TNK2: variants seen among roughly 807,000 people sequenced by gnomAD.
The protein encoded by TNK2 is tyrosine kinase non receptor 2, also known as activated CDC42 kinase 1.
Under a neutral mutation model 101.8 loss-of-function variants are expected in TNK2, and 83 were observed. The ratio of observed to expected loss-of-function variants is 0.82; its 90% CI spans 0.68 to 0.98. The LOEUF is 0.98. Ranked by LOEUF, TNK2 falls within the 50% of genes least tolerant of loss-of-function variation. The pLI, the probability that TNK2 is intolerant of heterozygous loss-of-function variation, is 0.00. For synonymous variants in TNK2, 804 were observed against 633.0 expected, an observed-to-expected ratio of 1.27 and a Z score of -4.06; for missense variants, 1,665 against 1,483.2, an observed-to-expected ratio of 1.12 and a Z score of -2.01.
intron 1 of TNK2, among the ~76,000 whole-genome samples, chr3:195,889,891 C>T (rs1204810982): frequency 1.3e-5 from 2 of 152,202 alleles, no homozygotes; most frequent in African/African-American, 4.8e-5. Context: ...GCCAGCTGCC[C>T]GGCTGGGGAC....
rs1741265987 is a variant in TNK2, at chr3:195,866,946, C to T, written c.3104G>A (p.Trp1035Ter). The T allele has an allele frequency of 6.2e-7, 1 of 1,612,994 alleles. No homozygotes were observed. Among genetic ancestry groups the T allele is most frequent in the East Asian group, 2.2e-5 (1 of 44,862 alleles). ...GTGGCAGCCGGCCTGCTCCAGGTTCCAGTCGAACATCTCCAGCACTTTGTG... is the reference window on the plus strand; with the variant it reads ...GTGGCAGCCGGCCTGCTCCAGGTTCTAGTCGAACATCTCCAGCACTTTGTG... Reference protein sequence around the residue: ...ECHKVLEMFDWNLEQAGCHLL... With the variant: ...ECHKVLEMFD The change falls in exon 15 of 16, where the codon TGG (tryptophan) becomes TAG (stop). Residue 1035 changes from tryptophan (W) to a stop codon, truncating the protein, a stop_gained. Coordinates refer to ENST00000672887, the MANE Select transcript of TNK2 (RefSeq NM_001382273.1). LOFTEE classifies it high-confidence loss of function.
Position 195,867,447 on chromosome 3 carries a change from GT to G in TNK2, c.2850del (p.Pro952ArgfsTer36). 1 of 1,594,168 alleles carries G rather than the reference GT, an allele frequency of 6.3e-7. No homozygotes were observed. Among genetic ancestry groups the G allele is most frequent in the Non-Finnish European group, 8.5e-7 (1 of 1,176,444 alleles). ...GGCAGCCGAGCAGTGGCCCTCGGGG[GT>G]GGTGGCCGGGCCCCTGGGTTGCTGT... is the stretch of plus-strand genomic sequence containing the variant. ...TNNSNPGARP[P>X]PPRATARLPQ... On this transcript the variant is annotated frameshift_variant, in exon 13 of 16. Coordinates refer to ENST00000672887, the MANE Select transcript of TNK2 (RefSeq NM_001382273.1). LOFTEE classifies it high-confidence loss of function.
chr3:195,892,057 T>G, intron 1 of TNK2: 1 of 1,013,302 alleles, frequency 9.9e-7, no homozygotes, highest in Non-Finnish European at 1.2e-6. Flanking sequence ...TCCGCAGGGG[T>G]CCGCCTCCCC....
At chr3:195,876,318 C>A in intron 9 of TNK2, 1 of 429,338 alleles carries the variant, frequency 2.3e-6, no homozygotes, top group South Asian at 1.7e-5. Flanking sequence ...GCCTCCCAGA[C>A]TCCGCACCAG....
intron 12 of TNK2, 126 bp from the exon 13 acceptor site, chr3:195,868,835 G>A (rs1051160171): frequency 2.5e-6 from 3 of 1,196,346 alleles, no homozygotes; most frequent in African/African-American, 3.2e-5. Context: ...CTCCCCCCGA[G>A]GTCTGAGGTC....
In TNK2 at chr3:195,864,068, G is replaced by C; in HGVS notation, c.*113C>G. The stretch of plus-strand genomic sequence containing the variant: ...CCTTGGCCTTGCTCCATCCCCGGGA[G>C]CAGCAGGAGCAGCGGGTCCTCCAGG... On this transcript the variant is annotated 3_prime_UTR_variant, in exon 16 of 16. Coordinates refer to ENST00000672887, the MANE Select transcript of TNK2 (RefSeq NM_001382273.1). 3 of 1,452,980 alleles carry C rather than the reference G, an allele frequency of 2.1e-6. No homozygotes were observed. Among genetic ancestry groups the C allele is most frequent in the Non-Finnish European group, 2.9e-6 (3 of 1,046,396 alleles). The allele number at this position is 1,452,980 out of a possible 1,614,324, so 90.0% of individuals were successfully genotyped here.
intron 10 of TNK2, 102 bp downstream of exon 10, chr3:195,872,174 G>T (rs879703240): frequency 1.4e-5 from 19 of 1,335,320 alleles, no homozygotes; most frequent in Non-Finnish European, 1.8e-5. Flanking sequence ...GCTGAAGCCC[G>T]GGCGAAAGGG....
At chr3:195,869,644 G>A in intron 11 of TNK2, 103 bp from the exon 12 acceptor site, 2 of 1,196,356 alleles carry the variant, frequency 1.7e-6, no homozygotes, top group East Asian at 2.5e-5. Context: ...GAGACGAAGG[G>A]AGAGAAGTGA....
chr3:195,872,125 G>C (rs1227652463), intron 10 of TNK2, 151 bp downstream of exon 10: 6 of 905,834 alleles, frequency 6.6e-6, no homozygotes, highest in Non-Finnish European at 8.3e-6. Flanking sequence ...CTTCCCGAGA[G>C]TAAGGCCAGG....
At chr3:195,876,130 G>T (rs1749099548) in intron 9 of TNK2, among the ~76,000 whole-genome samples, 1 of 152,190 alleles carries the variant, frequency 6.6e-6, no homozygotes, top group Non-Finnish European at 1.5e-5. Flanking sequence ...CGCTCTGTAT[G>T]CGGAACAAAA....
At chr3:195,866,477 C>G (rs1740921255) in intron 15 of TNK2, among the ~76,000 whole-genome samples, 1 of 152,210 alleles carries the variant, frequency 6.6e-6, no homozygotes, top group Non-Finnish European at 1.5e-5. Context: ...CTGGGGATTA[C>G]AGCCATGAGC....
intron 1 of TNK2, among the ~76,000 whole-genome samples, chr3:195,903,685 C>G (rs1761456391): frequency 6.6e-6 from 1 of 152,072 alleles, no homozygotes; most frequent in Non-Finnish European, 1.5e-5. Flanking sequence ...CCACTGCACT[C>G]CAGCCTGGGC....
In TNK2 at chr3:195,883,645, G is replaced by A. The variant is rs71321860; in HGVS notation, c.457-336C>T. 348 of 227,852 alleles carry A rather than the reference G, an allele frequency of 1.5e-3. 1 individual carries two copies. Among genetic ancestry groups the A allele is most frequent in the Non-Finnish European group, 2.0e-3 (221 of 109,426 alleles). 14.1% of individuals were successfully genotyped at this position (227,852 alleles called of 1,614,324 possible). On this transcript the variant is annotated intron_variant, in intron 4 of 15. Transcript: ENST00000672887. ...GAATTTTTTTTTTTGAGACAGTCTC[G>A]CTCTTGTCGCCCAGGCTGGAATGCA...
intron 1 of TNK2, among the ~76,000 whole-genome samples, chr3:195,905,465 C>G (rs1410020249): frequency 1.3e-5 from 2 of 152,120 alleles, no homozygotes; most frequent in Non-Finnish European, 2.9e-5. Flanking sequence ...TCCCAAAGCA[C>G]TGGGATTAGA....
At chr3:195,869,646 G>A (rs1276716007) in intron 11 of TNK2, 105 bp from the exon 12 acceptor site, 27 of 1,189,584 alleles carry the variant, frequency 2.3e-5, no homozygotes, top group African/African-American at 3.0e-5. Flanking sequence ...GACGAAGGGA[G>A]AGAAGTGAAT....
At chr3:195,898,288 G>C (rs1235323651) in intron 1 of TNK2, among the ~76,000 whole-genome samples, 2 of 152,122 alleles carry the variant, frequency 1.3e-5, no homozygotes, top group African/African-American at 2.4e-5. Flanking sequence ...CAGGAGTCAG[G>C]CAGATGGGGG....
intron 10 of TNK2, among the ~76,000 whole-genome samples, chr3:195,871,184 C>T (rs917327403): frequency 1.4e-5 from 2 of 147,746 alleles, no homozygotes; most frequent in Non-Finnish European, 1.5e-5. Flanking sequence ...GGAGGCCTGG[C>T]GCAAGAAGCT....
At chr3:195,872,590 G>T in intron 9 of TNK2, 120 bp from the exon 10 acceptor site, 2 of 1,076,602 alleles carry the variant, frequency 1.9e-6, no homozygotes, top group Non-Finnish European at 2.6e-6. Context: ...CTCAGGACCA[G>T]GCTGTGTGCC....
chr3:195,888,572 C>T lies in TNK2; in HGVS notation c.17G>A (p.Gly6Asp). 1 of 1,611,792 alleles carries T rather than the reference C, an allele frequency of 6.2e-7. No individual in the cohort carries two copies. The highest frequency in any genetic ancestry group is 1.1e-5 in the South Asian group (1 of 90,984). Reference protein sequence around the residue: MQPEEGTGWLLELLSE... With the variant: MQPEEDTGWLLELLSE... ...CAGCAGCTCCAGCAGCCAGCCTGTGCCCTCCTCTGGCTGCATTCTGCCGCC... is the reference window on the plus strand; with the variant it reads ...CAGCAGCTCCAGCAGCCAGCCTGTGTCCTCCTCTGGCTGCATTCTGCCGCC... Residue 6 changes from glycine (G) to aspartate (D), a missense_variant, in exon 2 of 16, where the codon GGC becomes GAC. By Grantham distance (94) the Gly-to-Asp change is moderately conservative. This residue lies in a region of TNK2 where 490 missense variants were observed against 522.5 expected (regional missense o/e 0.94). Transcript: ENST00000672887. The surrounding 1 kb of genome is among the most constrained non-coding windows in gnomAD (Gnocchi z 5.3).
Sources: gnomAD v4.1 joint callset for allele counts (sites outside exome capture counted in the v4.1 genomes callset) on GRCh38, gnomAD v4.1.1 for gene constraint, gnomAD v4.1.1 regional missense constraint, Gnocchi (gnomAD v3.1) non-coding constraint, MANE v1.5 for transcripts, NCBI Gene and HGNC (gene_info 2026-07-23, HGNC 2026-07-21) for gene names.